CRIM1: variants seen among roughly 807,000 people sequenced by gnomAD.
CRIM1 encodes cysteine-rich motor neuron 1 protein.
Under a neutral mutation model 116.4 loss-of-function variants are expected in CRIM1, and 32 were observed. That is an observed-to-expected ratio of 0.27 (90% CI 0.21 to 0.37). The LOEUF (loss-of-function observed/expected upper bound fraction) is 0.37. Ranked by LOEUF, CRIM1 falls within the 10% of genes least tolerant of loss-of-function variation. CRIM1 has a pLI of 1.00. For missense variants in CRIM1, 1,331 were observed against 1,354.8 expected, an observed-to-expected ratio of 0.98 and a Z score of 0.28; for synonymous variants, 590 against 509.2, an observed-to-expected ratio of 1.16 and a Z score of -2.13.
chr2:36,387,554 C>G (rs1400804483), intron 1 of CRIM1, among the ~76,000 whole-genome samples: 1 of 152,176 alleles, frequency 6.6e-6, no homozygotes, highest in African/African-American at 2.4e-5. Context: ...GGATTTTACT[C>G]TCAAAGCAGA....
chr2:36,415,326 A>G (rs533636757), intron 2 of CRIM1, among the ~76,000 whole-genome samples: 5 of 152,274 alleles, frequency 3.3e-5, no homozygotes, highest in East Asian at 1.9e-4. Flanking sequence ...TGGTGATGCT[A>G]TTTGGAAATC....
chr2:36,413,147 C>A (rs552681187), intron 2 of CRIM1, among the ~76,000 whole-genome samples: 5 of 152,168 alleles, frequency 3.3e-5, no homozygotes, highest in Non-Finnish European at 7.4e-5. Context: ...ATAAATAAAT[C>A]ATGTTTGAAA....
chr2:36,441,118 A>C lies in CRIM1; in HGVS notation c.506-140A>C, dbSNP rs1022443279. On this transcript the variant is annotated intron_variant, in intron 2 of 16. Transcript: ENST00000280527. ...TGAGGTTTTCATTGTTAGTTAAACT[A>C]AGTTTGAAGGTTTACACTGAATTTC... 10 of 1,141,458 alleles carry C rather than the reference A, an allele frequency of 8.8e-6. No homozygotes were observed. In the South Asian group the frequency reaches 1.4e-4, roughly 16 times the overall value. The allele number at this position is 1,141,458 out of a possible 1,614,324, so 70.7% of individuals were successfully genotyped here. A position where few individuals can be genotyped will look rare whatever the true frequency, so the allele number is the denominator to read the frequency against.
intron 1 of CRIM1, among the ~76,000 whole-genome samples, chr2:36,368,802 T>C (rs1381625723): frequency 1.8e-4 from 28 of 152,380 alleles, no homozygotes. Context: ...AGATAATTTT[T>C]AGTTTTCTGT....
chr2:36,381,121 C>G (rs550488230), intron 1 of CRIM1, among the ~76,000 whole-genome samples: 11 of 152,344 alleles, frequency 7.2e-5, no homozygotes, highest in Admixed American at 2.6e-4. Flanking sequence ...GCCCCTACCC[C>G]CCACACAGGA....
At chr2:36,495,723 C>A (rs1472798997) in intron 7 of CRIM1, among the ~76,000 whole-genome samples, 2 of 151,988 alleles carry the variant, frequency 1.3e-5, no homozygotes, top group Admixed American at 6.6e-5. Flanking sequence ...GAAATTGAAT[C>A]TCAGTTGTCT....
chr2:36,511,948 C>G (rs1489242306), intron 9 of CRIM1, among the ~76,000 whole-genome samples: 1 of 152,228 alleles, frequency 6.6e-6, no homozygotes, highest in Non-Finnish European at 1.5e-5. Context: ...ATCTCCTTCA[C>G]TTTCCTATTC....
At chr2:36,402,231 C>G in intron 2 of CRIM1, among the ~76,000 whole-genome samples, 1 of 152,114 alleles carries the variant, frequency 6.6e-6, no homozygotes, top group Non-Finnish European at 1.5e-5. Context: ...TAGAGAATTA[C>G]TTGGAAAATT....
chr2:36,424,518 A>G (rs1352041221), intron 2 of CRIM1, among the ~76,000 whole-genome samples: 1 of 152,192 alleles, frequency 6.6e-6, no homozygotes, highest in Non-Finnish European at 1.5e-5. Flanking sequence ...AGATAAGGCC[A>G]TGGTATGCTC....
chr2:36,434,523 C>G (rs1327801108), intron 2 of CRIM1, among the ~76,000 whole-genome samples: 1 of 152,202 alleles, frequency 6.6e-6, no homozygotes, highest in African/African-American at 2.4e-5. Flanking sequence ...CTCTCTGGGT[C>G]TCTCTCTTCA....
At chr2:36,493,505 G>A (rs1336400275) in intron 7 of CRIM1, among the ~76,000 whole-genome samples, 1 of 152,120 alleles carries the variant, frequency 6.6e-6, no homozygotes, top group Non-Finnish European at 1.5e-5. Flanking sequence ...TGACAAGACA[G>A]TACTACACAC....
chr2:36,497,011 C>G (rs968078769), intron 7 of CRIM1, among the ~76,000 whole-genome samples: 10 of 152,186 alleles, frequency 6.6e-5, no homozygotes, highest in African/African-American at 1.9e-4. Context: ...CTAAAATTCA[C>G]TGCTGCTAAA....
At chr2:36,498,047 G>A (rs1203337351) in intron 7 of CRIM1, among the ~76,000 whole-genome samples, 2 of 152,168 alleles carry the variant, frequency 1.3e-5, no homozygotes, top group Non-Finnish European at 2.9e-5. Context: ...TTCCATCTGC[G>A]AAAATGTAGG....
intron 5 of CRIM1, among the ~76,000 whole-genome samples, chr2:36,466,247 A>G (rs116692727): frequency 0.017 from 2,631 of 152,016 alleles, 78 homozygotes; most frequent in African/African-American, 0.061. Flanking sequence ...GACATTGGGG[A>G]TGGGGGATAG....
At chr2:36,357,066 A>G (rs1273079950) in intron 1 of CRIM1, among the ~76,000 whole-genome samples, 1 of 152,134 alleles carries the variant, frequency 6.6e-6, no homozygotes, top group Non-Finnish European at 1.5e-5. Flanking sequence ...GCCGGCCGCG[A>G]AAGTCCTTTT....
chr2:36,522,551 C>G (rs748811949), intron 13 of CRIM1, among the ~76,000 whole-genome samples: 3 of 152,090 alleles, frequency 2.0e-5, no homozygotes, highest in Non-Finnish European at 4.4e-5. Context: ...CCTGCAATCC[C>G]AGCACTTTGG....
chr2:36,431,377 T>G (rs570740128), intron 2 of CRIM1, among the ~76,000 whole-genome samples: 1 of 152,322 alleles, frequency 6.6e-6, no homozygotes, highest in South Asian at 2.1e-4. Flanking sequence ...CCCTGTACAC[T>G]CTATTCAGCA....
chr2:36,404,762 A>G (rs1033148756), intron 2 of CRIM1, among the ~76,000 whole-genome samples: 1 of 152,218 alleles, frequency 6.6e-6, no homozygotes, highest in East Asian at 1.9e-4. Flanking sequence ...TAATTTTTAC[A>G]CAAAGACTTC....
chr2:36,519,176 T>C (rs529987230), intron 12 of CRIM1, among the ~76,000 whole-genome samples: 24 of 152,308 alleles, frequency 1.6e-4, no homozygotes, highest in African/African-American at 5.5e-4. Flanking sequence ...GACCACTAGC[T>C]GAAATTCATT....
Sources: gnomAD v4.1 joint callset for allele counts (sites outside exome capture counted in the v4.1 genomes callset) on GRCh38, gnomAD v4.1.1 for gene constraint, MANE v1.5 for transcripts, NCBI Gene and HGNC (gene_info 2026-07-23, HGNC 2026-07-21) for gene names.